Variants in GRM5 observed in about 807,000 individuals in gnomAD.
GRM5 encodes the protein glutamate metabotropic receptor 5, also known as metabotropic glutamate receptor 5.
Under a neutral mutation model 83.1 loss-of-function variants are expected in GRM5, and 19 were observed. That is an observed-to-expected ratio of 0.23 (90% CI 0.16 to 0.34). The LOEUF (loss-of-function observed/expected upper bound fraction) is 0.34, where lower values mean the gene tolerates loss of function less well. GRM5 is among the 10% of genes least tolerant of loss of function. The pLI, the probability that GRM5 is intolerant of heterozygous loss-of-function variation, is 1.00. For missense variants in GRM5, 1,160 were observed against 1,588.3 expected, an observed-to-expected ratio of 0.73 and a Z score of 4.58; for synonymous variants, 675 against 633.6, an observed-to-expected ratio of 1.07 and a Z score of -0.98.
intron 3 of GRM5, among the ~76,000 whole-genome samples, chr11:88,730,884 G>A (rs1941793355): frequency 6.6e-6 from 1 of 152,104 alleles, no homozygotes; most frequent in African/African-American, 2.4e-5. Context: ...CGGGGGCTAG[G>A]GGAGGGATAG....
chr11:88,885,290 T>C (rs1186865430), intron 2 of GRM5, among the ~76,000 whole-genome samples: 3 of 151,832 alleles, frequency 2.0e-5, no homozygotes, highest in Non-Finnish European at 4.4e-5. Context: ...AGCATATGTT[T>C]TATAAAGACA....
At chr11:88,808,472 C>T (rs1041590549) in intron 3 of GRM5, among the ~76,000 whole-genome samples, 1 of 151,864 alleles carries the variant, frequency 6.6e-6, no homozygotes, top group Non-Finnish European at 1.5e-5. Flanking sequence ...TTCCACTATA[C>T]AGGAACAGAT....
chr11:89,047,770 T>C lies in GRM5; in HGVS notation c.103A>G (p.Ile35Val). The part of the protein sequence containing the change: ...RRVVAHMPGD[I>V]IIGALFSVHH... ...ACAGAAAAGAGAGCTCCAATAATGA[T>C]GTCACCCGGCATGTGAGCCACCACC... Residue 35 changes from isoleucine to valine, a missense_variant, in exon 2 of 10, where the codon ATC becomes GTC. Coordinates refer to ENST00000305447, the MANE Select transcript of GRM5 (RefSeq NM_001143831.3). The surrounding 1 kb of genome is among the most constrained non-coding windows in gnomAD (Gnocchi z 5.1). The C allele has an allele frequency of 1.2e-6, 2 of 1,613,874 alleles. No homozygotes were observed. The highest frequency in any genetic ancestry group is 1.7e-6 in the Non-Finnish European group (2 of 1,179,814).
chr11:88,654,631 G>A (rs797017356), intron 3 of GRM5, among the ~76,000 whole-genome samples: 4 of 152,210 alleles, frequency 2.6e-5, no homozygotes, highest in African/African-American at 4.8e-5. Flanking sequence ...GGTGAGCTGG[G>A]AGTAGGGGCA....
intron 3 of GRM5, among the ~76,000 whole-genome samples, chr11:88,668,257 T>A (rs1940099799): frequency 7.2e-6 from 1 of 139,198 alleles, no homozygotes; most frequent in Non-Finnish European, 1.5e-5. Flanking sequence ...TTATATCTCT[T>A]AAATCAGTGG....
intron 2 of GRM5, among the ~76,000 whole-genome samples, chr11:88,938,455 A>G (rs1185461238): frequency 6.6e-6 from 1 of 151,656 alleles, no homozygotes; most frequent in Non-Finnish European, 1.5e-5. Flanking sequence ...AAGAAAAAGA[A>G]AAAGATAATT....
chr11:88,923,507 T>C (rs1945729272), intron 2 of GRM5, among the ~76,000 whole-genome samples: 1 of 152,060 alleles, frequency 6.6e-6, no homozygotes, highest in African/African-American at 2.4e-5. Flanking sequence ...AATAATTGAA[T>C]TCATAGAGTA....
intron 2 of GRM5, among the ~76,000 whole-genome samples, chr11:88,876,640 T>C (rs991154078): frequency 1.1e-4 from 16 of 152,104 alleles, no homozygotes; most frequent in African/African-American, 3.1e-4. Context: ...TGACTCTTTC[T>C]TCCAGTTGAA....
intron 2 of GRM5, among the ~76,000 whole-genome samples, chr11:89,031,542 A>G (rs1339428106): frequency 6.6e-6 from 1 of 151,970 alleles, no homozygotes; most frequent in Non-Finnish European, 1.5e-5. Context: ...GTCCATAAAA[A>G]GTATGAATAA....
chr11:88,913,785 C>T (rs1945544595), intron 2 of GRM5, among the ~76,000 whole-genome samples: 3 of 152,048 alleles, frequency 2.0e-5, no homozygotes, highest in Admixed American at 6.6e-5. Flanking sequence ...TGGGATATCA[C>T]CATGTTGGCC....
intron 2 of GRM5, among the ~76,000 whole-genome samples, chr11:88,897,917 C>T (rs1054605796): frequency 2.0e-5 from 3 of 151,982 alleles, no homozygotes; most frequent in Non-Finnish European, 4.4e-5. Flanking sequence ...TGCATCACTA[C>T]TTACTAGCCC....
chr11:88,598,239 A>G (rs1364194230), intron 5 of GRM5, among the ~76,000 whole-genome samples: 1 of 152,110 alleles, frequency 6.6e-6, no homozygotes, highest in East Asian at 1.9e-4. Flanking sequence ...CCAACTTCCA[A>G]TGCTCAGCAT....
intron 4 of GRM5, among the ~76,000 whole-genome samples, chr11:88,633,731 G>C (rs1451668274): frequency 6.6e-6 from 1 of 152,162 alleles, no homozygotes; most frequent in African/African-American, 2.4e-5. Context: ...TTGTTGCTTA[G>C]ACTGGTCTTG....
At chr11:88,546,250 T>C (rs1369593126) in intron 8 of GRM5, among the ~76,000 whole-genome samples, 1 of 152,088 alleles carries the variant, frequency 6.6e-6, no homozygotes, top group Non-Finnish European at 1.5e-5. Flanking sequence ...CTTTTTTTAA[T>C]GACAATTAAT....
intron 3 of GRM5, among the ~76,000 whole-genome samples, chr11:88,792,319 A>C: frequency 6.6e-6 from 1 of 152,102 alleles, no homozygotes; most frequent in East Asian, 1.9e-4. Context: ...TGAGGAACTT[A>C]GGACATTTAT....
At chr11:88,563,008 C>T (rs780352747) in intron 8 of GRM5, among the ~76,000 whole-genome samples, 12 of 152,090 alleles carry the variant, frequency 7.9e-5, no homozygotes, top group African/African-American at 1.4e-4. Context: ...AACCAACACC[C>T]GAAGAAATCT....
chr11:88,956,826 A>G (rs980422196), intron 2 of GRM5, among the ~76,000 whole-genome samples: 1 of 152,224 alleles, frequency 6.6e-6, no homozygotes, highest in African/African-American at 2.4e-5. Context: ...GAAAAAGAAA[A>G]GCGTCGGTAC....
chr11:88,697,805 A>ACTCT (rs1940936857), intron 3 of GRM5, among the ~76,000 whole-genome samples: 1 of 152,162 alleles, frequency 6.6e-6, no homozygotes. Context: ...ATGCAAGTGA[A>ACTCT]ATCTTTAAAT....
At chr11:88,566,672 T>C (rs958054034) in intron 8 of GRM5, among the ~76,000 whole-genome samples, 53 of 152,160 alleles carry the variant, frequency 3.5e-4, no homozygotes, top group African/African-American at 1.2e-3. Context: ...ATAATCTTTG[T>C]TAGTAATATA....
Sources: allele counts gnomAD v4.1 joint callset (sites outside exome capture counted in the v4.1 genomes callset), GRCh38; gene constraint gnomAD v4.1.1; non-coding constraint Gnocchi (gnomAD v3.1); transcripts MANE v1.5; gene names NCBI Gene and HGNC (gene_info 2026-07-23, HGNC 2026-07-21).